Variants in ROBO2 observed in about 807,000 individuals in gnomAD.
The protein encoded by ROBO2 is roundabout homolog 2.
In ROBO2, 53 loss-of-function variants were observed where a neutral mutation model predicts 160.8. That is an observed-to-expected ratio of 0.33 (90% CI 0.26 to 0.41). The LOEUF (loss-of-function observed/expected upper bound fraction) is 0.41. Among genes scored for constraint, ROBO2 ranks in the 10% least tolerant of loss-of-function variants. The pLI is 1.00. For missense variants in ROBO2, 1,577 were observed against 1,722.4 expected, an observed-to-expected ratio of 0.92 and a Z score of 1.49; for synonymous variants, 664 against 611.7, an observed-to-expected ratio of 1.09 and a Z score of -1.26.
At chr3:76,712,991 G>T (rs1046571299) in intron 2 of ROBO2, among the ~76,000 whole-genome samples, 2 of 152,068 alleles carry the variant, frequency 1.3e-5, no homozygotes, top group African/African-American at 4.8e-5. Flanking sequence ...CATATCCAAG[G>T]CTCTGATATC....
intron 2 of ROBO2, among the ~76,000 whole-genome samples, chr3:76,261,453 A>C (rs1706758496): frequency 6.6e-6 from 1 of 151,938 alleles, no homozygotes; most frequent in Non-Finnish European, 1.5e-5. Context: ...GGGGGGAACT[A>C]TACTTGCTCT....
chr3:76,890,586 A>G (rs1239496730), intron 2 of ROBO2, among the ~76,000 whole-genome samples: 1 of 152,160 alleles, frequency 6.6e-6, no homozygotes, highest in African/African-American at 2.4e-5. Flanking sequence ...GTGTGTGTAC[A>G]GTATTGATAG....
chr3:76,374,253 C>A (rs1284365824), intron 2 of ROBO2, among the ~76,000 whole-genome samples: 1 of 151,964 alleles, frequency 6.6e-6, no homozygotes, highest in African/African-American at 2.4e-5. Context: ...TCACAAGAGA[C>A]TAAGCTACAG....
At chr3:76,700,291 T>A (rs1054111617) in intron 2 of ROBO2, among the ~76,000 whole-genome samples, 1 of 152,126 alleles carries the variant, frequency 6.6e-6, no homozygotes, top group Non-Finnish European at 1.5e-5. Flanking sequence ...TTTTATAATC[T>A]TACTTTATAT....
chr3:76,601,857 A>T (rs1164863434), intron 2 of ROBO2, among the ~76,000 whole-genome samples: 1 of 152,014 alleles, frequency 6.6e-6, no homozygotes, highest in Non-Finnish European at 1.5e-5. Context: ...TTTCTATCAC[A>T]TTGTCTGGGT....
chr3:77,601,026 G>A (rs1300284724), intron 19 of ROBO2, among the ~76,000 whole-genome samples: 2 of 152,032 alleles, frequency 1.3e-5, no homozygotes, highest in African/African-American at 4.8e-5. Flanking sequence ...CCTTCATAAA[G>A]ACTTAAGTTA....
intron 2 of ROBO2, among the ~76,000 whole-genome samples, chr3:76,622,241 A>AGAAAGAAAGAAAGAAAGAAAGAAAGAAG (rs1560252156): frequency 0.025 from 935 of 37,238 alleles, 41 homozygotes; most frequent in Non-Finnish European, 0.029. Flanking sequence ...GAAGGAAGAA[A>AGAAAGAAAGAAAGAAAGAAAGAAAGAAG]GAAAGAAAGA....
chr3:77,640,912 A>G (rs908023856), intron 24 of ROBO2, among the ~76,000 whole-genome samples: 8 of 152,344 alleles, frequency 5.3e-5, no homozygotes, highest in African/African-American at 1.7e-4. Context: ...AATAATCAGA[A>G]TTTTAGCTGC....
At chr3:75,941,594 A>C (rs1433242610) in intron 2 of ROBO2, among the ~76,000 whole-genome samples, 4 of 152,190 alleles carry the variant, frequency 2.6e-5, no homozygotes. Context: ...TGAAGAAGCC[A>C]GTGGCGCTTA....
chr3:76,812,887 G>T (rs2065315065), intron 2 of ROBO2, among the ~76,000 whole-genome samples: 1 of 143,468 alleles, frequency 7.0e-6, no homozygotes, highest in Non-Finnish European at 1.5e-5. Context: ...TACAATAAAA[G>T]TGTCCTGGCA....
chr3:77,448,055 C>T (rs377748626), intron 2 of ROBO2, among the ~76,000 whole-genome samples: 7 of 152,154 alleles, frequency 4.6e-5, no homozygotes, highest in East Asian at 1.9e-4. Context: ...ACAGTTTTTG[C>T]GATGTGACAT....
intron 2 of ROBO2, among the ~76,000 whole-genome samples, chr3:77,293,571 G>A (rs1457790914): frequency 4.1e-5 from 6 of 147,006 alleles, no homozygotes; most frequent in South Asian, 2.1e-4. Context: ...TAAAATTGAC[G>A]GGTAAACGGG....
intron 2 of ROBO2, among the ~76,000 whole-genome samples, chr3:76,113,678 T>A (rs1576912871): frequency 6.6e-6 from 1 of 152,122 alleles, no homozygotes; most frequent in Non-Finnish European, 1.5e-5. Context: ...CCCACTCTCA[T>A]AATAAAGGAT....
At chr3:77,307,598 G>A (rs72895200) in intron 2 of ROBO2, among the ~76,000 whole-genome samples, 6,184 of 152,188 alleles carry the variant, frequency 0.041, 419 homozygotes, top group African/African-American at 0.14. Context: ...AAGCAGGGGT[G>A]GGGGCAAGGT....
At chr3:76,888,270 A>T (rs544820350) in intron 2 of ROBO2, among the ~76,000 whole-genome samples, 1 of 152,266 alleles carries the variant, frequency 6.6e-6, no homozygotes, top group South Asian at 2.1e-4. Context: ...CAGGAGGCTG[A>T]GGCAGGAGGA....
At chr3:76,230,441 C>T (rs909709510) in intron 2 of ROBO2, among the ~76,000 whole-genome samples, 5 of 152,122 alleles carry the variant, frequency 3.3e-5, no homozygotes, top group African/African-American at 9.7e-5. Flanking sequence ...TCTTGTCTCA[C>T]TTGCCTTATC....
chr3:76,816,523 ATAGT>A (rs1403241905), intron 2 of ROBO2, among the ~76,000 whole-genome samples: 1 of 152,036 alleles, frequency 6.6e-6, no homozygotes, highest in East Asian at 1.9e-4. Flanking sequence ...AACATATGAG[ATAGT>A]TATGATATTA....
intron 2 of ROBO2, among the ~76,000 whole-genome samples, chr3:76,215,521 C>T (rs1158055227): frequency 6.6e-6 from 1 of 152,098 alleles, no homozygotes; most frequent in African/African-American, 2.4e-5. Context: ...ATGCAGAAGC[C>T]TCAGTAGTCG....
At chr3:77,091,312 C>T (rs977031526) in intron 1 of ROBO2, among the ~76,000 whole-genome samples, 4 of 152,062 alleles carry the variant, frequency 2.6e-5, no homozygotes, top group African/African-American at 7.2e-5. Flanking sequence ...GCACTCACTG[C>T]GAATGAGTGG....
Sources: gnomAD v4.1 joint callset for allele counts (sites outside exome capture counted in the v4.1 genomes callset) on GRCh38, gnomAD v4.1.1 for gene constraint, MANE v1.5 for transcripts, NCBI Gene and HGNC (gene_info 2026-07-23, HGNC 2026-07-21) for gene names.